PPFIA1: variants seen among roughly 807,000 people sequenced by gnomAD.
The protein encoded by PPFIA1 is liprin-alpha-1.
PPFIA1 carries 25 observed loss-of-function variants against 149.9 expected under a neutral mutation model. The observed-to-expected ratio is 0.17, with a 90% CI of 0.12 to 0.23. The LOEUF is 0.23. PPFIA1 is among the 10% of genes least tolerant of loss of function. PPFIA1 has a pLI of 1.00. For synonymous variants in PPFIA1, 549 were observed against 552.8 expected, an observed-to-expected ratio of 0.99 and a Z score of 0.10; for missense variants, 1,362 against 1,506.5, an observed-to-expected ratio of 0.90 and a Z score of 1.59.
intron 2 of PPFIA1, among the ~76,000 whole-genome samples, chr11:70,310,586 A>G (rs1044529550): frequency 1.3e-5 from 2 of 152,010 alleles, no homozygotes; most frequent in African/African-American, 4.8e-5. Flanking sequence ...GGGTTTCACC[A>G]TGTTGGCCAG....
chr11:70,275,792 A>G (rs911762058), intron 2 of PPFIA1, among the ~76,000 whole-genome samples: 1 of 152,062 alleles, frequency 6.6e-6, no homozygotes, highest in Non-Finnish European at 1.5e-5. Flanking sequence ...ACAATGTCTA[A>G]ATTCCCATAG....
chr11:70,288,422 T>C (rs7928686), intron 2 of PPFIA1, among the ~76,000 whole-genome samples: 33,283 of 151,972 alleles, frequency 0.22, 5,564 homozygotes, highest in African/African-American at 0.46. Context: ...GAGCTCTCCT[T>C]CTTGGTGATA....
Position 70,343,695 on chromosome 11 carries a change from G to C in PPFIA1, c.1734G>C (p.Trp578Cys). The stretch of plus-strand genomic sequence containing the variant: ...TACAAACTCTTAATGAGCAGGATTG[G>C]GAACGTGCCCAGCAAGCTAGTGTCT... ...SKVQTLNEQDWERAQQASVLA... is the reference protein window; with the variant it reads ...SKVQTLNEQDCERAQQASVLA... Residue 578 changes from tryptophan to cysteine, a missense_variant, in exon 15 of 28, where the codon TGG becomes TGC. Around this residue, in one of 7 missense-constraint regions of PPFIA1, gnomAD observed 733 missense variants for 744.1 expected, o/e 0.99. Coordinates refer to ENST00000253925, the MANE Select transcript of PPFIA1 (RefSeq NM_003626.5). 6.2e-7 allele frequency: 1 copy of C among 1,614,216 alleles called. No individual in the cohort carries two copies. Among genetic ancestry groups the C allele is most frequent in the Non-Finnish European group, 8.5e-7 (1 of 1,180,040 alleles).
chr11:70,294,545 TC>T (rs2051763196), intron 2 of PPFIA1, among the ~76,000 whole-genome samples: 1 of 59,032 alleles, frequency 1.7e-5, no homozygotes, highest in Non-Finnish European at 3.0e-5. Flanking sequence ...GAATTTTCTT[TC>T]TTTTTTTTTT....
chr11:70,345,902 A>G (rs888529116), intron 15 of PPFIA1: 10 of 351,318 alleles, frequency 2.8e-5, no homozygotes, highest in African/African-American at 6.4e-5. Context: ...GTCCCGTCAC[A>G]CAGTGGCCTG....
chr11:70,377,639 G>C (rs986992749), intron 25 of PPFIA1, among the ~76,000 whole-genome samples: 1 of 152,086 alleles, frequency 6.6e-6, no homozygotes, highest in Non-Finnish European at 1.5e-5. Flanking sequence ...ATTCCAGCTC[G>C]GGCAACAGAT....
chr11:70,355,199 G>A (rs181384271), intron 17 of PPFIA1, among the ~76,000 whole-genome samples: 12 of 152,294 alleles, frequency 7.9e-5, no homozygotes, highest in East Asian at 7.7e-4. Flanking sequence ...CACCGCGCCC[G>A]GCCCCTCTTT....
chr11:70,356,828 G>A (rs931008696), intron 19 of PPFIA1, among the ~76,000 whole-genome samples: 3 of 152,144 alleles, frequency 2.0e-5, no homozygotes, highest in African/African-American at 7.2e-5. Flanking sequence ...TCCGTAGATC[G>A]GGTAGTTTTA....
intron 11 of PPFIA1, 74 bp from the exon 12 acceptor site, chr11:70,337,289 TTA>T: frequency 1.9e-6 from 2 of 1,030,408 alleles, no homozygotes; most frequent in South Asian, 1.7e-5. Context: ...CTTTTTTTTT[TTA>T]AACGAATACA....
At chr11:70,325,730 C>T (rs894473753) in intron 5 of PPFIA1, among the ~76,000 whole-genome samples, 156 bp downstream of exon 5, 1 of 151,902 alleles carries the variant, frequency 6.6e-6, no homozygotes, top group Non-Finnish European at 1.5e-5. Flanking sequence ...TCAGGAGTTC[C>T]AAGACCAGCC....
intron 27 of PPFIA1, among the ~76,000 whole-genome samples, chr11:70,382,509 C>A (rs7943840): frequency 0.18 from 27,027 of 151,830 alleles, 3,161 homozygotes; most frequent in African/African-American, 0.32. Context: ...CTCCTCCTGA[C>A]GTCGTTATGC....
At position 70,372,202 on chromosome 11, in the gene PPFIA1, T is replaced by A; in HGVS notation, c.2866-13T>A. The stretch of plus-strand genomic sequence containing the variant: ...TTCCTCTGTAACTGACCTTTTCCAT[T>A]TATGAAAAGCAGACACTCGCCTATG... On this transcript the variant is annotated splice_polypyrimidine_tract_variant and intron_variant, in intron 21 of 27. Transcript: ENST00000253925. 6.3e-7 allele frequency: 1 copy of A among 1,587,440 alleles called. No individual in the cohort carries two copies. The highest frequency in any genetic ancestry group is 8.6e-7 in the Non-Finnish European group (1 of 1,168,650).
intron 2 of PPFIA1, among the ~76,000 whole-genome samples, chr11:70,282,833 C>CTTTTTT (rs59308854): frequency 2.8e-5 from 2 of 71,892 alleles, no homozygotes; most frequent in African/African-American, 6.0e-5. Flanking sequence ...CCGTGCCTGG[C>CTTTTTT]TTTTTTTTTT....
rs2135238872 is a variant in PPFIA1 at position 70,362,624 on chromosome 11, A to G, written c.2865+136A>G. The G allele has an allele frequency of 4.8e-6, 4 of 839,132 alleles. No individual in the cohort carries two copies. In the East Asian group the frequency reaches 8.6e-5, roughly 18 times the overall value. The allele number at this position is 839,132 out of a possible 1,614,324, so 52.0% of individuals were successfully genotyped here. A position where few individuals can be genotyped will look rare whatever the true frequency, so the allele number is the denominator to read the frequency against. On this transcript the variant is annotated intron_variant, in intron 21 of 27. Coordinates refer to ENST00000253925, the MANE Select transcript of PPFIA1 (RefSeq NM_003626.5). ...AGTTCTAATTCAAAATTTTAGCATCACATACATTAGAACTTTTAATTTTGG... is the reference window on the plus strand; with the variant it reads ...AGTTCTAATTCAAAATTTTAGCATCGCATACATTAGAACTTTTAATTTTGG...
intron 2 of PPFIA1, among the ~76,000 whole-genome samples, chr11:70,300,402 C>T (rs773204038): frequency 1.7e-4 from 26 of 152,104 alleles, no homozygotes; most frequent in Admixed American, 6.6e-4. Context: ...CGGAGTCTTT[C>T]TCCATCATGC....
rs2055835095 is a variant in PPFIA1, at chr11:70,348,217, G to A, written c.1960G>A (p.Glu654Lys). 6.2e-7 allele frequency: 1 copy of A among 1,614,080 alleles called. No individual in the cohort carries two copies. Among genetic ancestry groups the A allele is most frequent in the African/African-American group, 1.3e-5 (1 of 74,926 alleles). ...RLIQEEKENTEQRAEEIESRV... is the reference protein window; with the variant it reads ...RLIQEEKENTKQRAEEIESRV... ...GATTCAGGAAGAAAAAGAAAATACAGAGCAGCGGGCAGAGGAGATTGAAAG... is the reference window on the plus strand; with the variant it reads ...GATTCAGGAAGAAAAAGAAAATACAAAGCAGCGGGCAGAGGAGATTGAAAG... The change falls in exon 16 of 28, where the codon GAG (glutamate) becomes AAG (lysine). Residue 654 changes from glutamate to lysine, a missense_variant. This residue lies in a region of PPFIA1 where 733 missense variants were observed against 744.1 expected (regional missense o/e 0.99). Transcript: ENST00000253925.
Position 70,325,497 on chromosome 11 carries a change from C to T in PPFIA1, c.532-3C>T. The T allele has an allele frequency of 6.4e-7, 1 of 1,572,632 alleles. No homozygotes were observed. Among genetic ancestry groups the T allele is most frequent in the African/African-American group, 1.4e-5 (1 of 73,840 alleles). ...ACACAAACTCAACCCCTTTTATTTT[C>T]AGGTGAGAGAGCGATTACGAGTAGC... On this transcript the variant is annotated splice_polypyrimidine_tract_variant and splice_region_variant and intron_variant, in intron 4 of 27. Transcript: ENST00000253925.
intron 15 of PPFIA1, among the ~76,000 whole-genome samples, chr11:70,346,560 A>G (rs1206037212): frequency 1.3e-5 from 2 of 152,328 alleles, no homozygotes; most frequent in Admixed American, 6.5e-5. Flanking sequence ...AGACCTCTGC[A>G]GCATCTGTTG....
intron 22 of PPFIA1, 33 bp from the exon 23 acceptor site, chr11:70,372,439 TTACCA>T: frequency 6.2e-7 from 1 of 1,612,718 alleles, no homozygotes; most frequent in Non-Finnish European, 8.5e-7. Context: ...TTTTTCACTG[TTACCA>T]TCTCTAAATC....
Sources: allele counts gnomAD v4.1 joint callset (sites outside exome capture counted in the v4.1 genomes callset), GRCh38; gene constraint gnomAD v4.1.1; regional missense constraint gnomAD v4.1.1; transcripts MANE v1.5; gene names NCBI Gene and HGNC (gene_info 2026-07-23, HGNC 2026-07-21).